Variants in COL12A1 observed in about 807,000 individuals in gnomAD.
COL12A1 encodes the protein collagen type XII alpha 1 chain.
A neutral mutation model predicts 349.7 loss-of-function variants in COL12A1; 114 were observed. The ratio of observed to expected loss-of-function variants is 0.33; its 90% CI spans 0.28 to 0.38. The LOEUF (loss-of-function observed/expected upper bound fraction) is 0.38. Among genes scored for constraint, COL12A1 ranks in the 10% least tolerant of loss-of-function variants. COL12A1 has a pLI of 1.00. For synonymous variants in COL12A1, 1,369 were observed against 1,329.0 expected (o/e 1.03, Z -0.66); for missense variants, 3,284 against 3,756.9 (o/e 0.87, Z 3.29).
At position 75,128,312 on chromosome 6, in the gene COL12A1, T is replaced by C; in HGVS notation, c.6324A>G (p.Thr2108=). ...AACACTTACCAGTTCTTCCATTTCC[T>C]GTTAGATGGCCACCATCTCCATCTT... The part of the protein sequence containing the change: ...VYEDGDGGHL[T]GNGRTVGLLP... Residue 2108 remains threonine (T), a synonymous_variant, in exon 38 of 66, where the codon ACA becomes ACG. Transcript: ENST00000322507. 6.2e-7 allele frequency: 1 copy of C among 1,602,544 alleles called. No homozygotes were observed. Among genetic ancestry groups the C allele is most frequent in the Non-Finnish European group, 8.5e-7 (1 of 1,175,638 alleles).
Position 75,117,465 on chromosome 6 carries a change from T to A in COL12A1, c.7436A>T (p.His2479Leu), listed in dbSNP as rs1769139596. The A allele has an allele frequency of 6.2e-7, 1 of 1,613,656 alleles. No individual in the cohort carries two copies. The highest frequency in any genetic ancestry group is 8.5e-7 in the Non-Finnish European group (1 of 1,179,730). Residue 2479 changes from histidine to leucine, a missense_variant, in exon 47 of 66, where the codon CAC becomes CTC. This residue lies in a region of COL12A1 where 683 missense variants were observed against 932.1 expected (regional missense o/e 0.73). Transcript: ENST00000322507. ...ANIASKPSER[H>L]VFIVDDFESF... ...TTCAAAGTCGTCCACAATGAACACG[T>A]GCCGTTCACTTGGTTTGCTGGCAAT...
chr6:75,106,692 C>T (rs1768561417), intron 52 of COL12A1, among the ~76,000 whole-genome samples, 196 bp from the exon 53 acceptor site: 1 of 151,908 alleles, frequency 6.6e-6, no homozygotes, highest in Non-Finnish European at 1.5e-5. Context: ...AAAAGTGAAA[C>T]ATGTATGTGA....
chr6:75,095,086 G>A (rs1431764592), intron 60 of COL12A1, 22 bp downstream of exon 60: 1 of 1,610,178 alleles, frequency 6.2e-7, no homozygotes, highest in Non-Finnish European at 8.5e-7. Flanking sequence ...ACTGTCAGTA[G>A]ACATGCAAGC....
chr6:75,182,023 G>A (rs1382775532), intron 10 of COL12A1, among the ~76,000 whole-genome samples: 1 of 151,268 alleles, frequency 6.6e-6, no homozygotes, highest in Non-Finnish European at 1.5e-5. Context: ...TTGAACTGGG[G>A]AGGCAGATAT....
chr6:75,193,908 A>C (rs1348566840), intron 3 of COL12A1, among the ~76,000 whole-genome samples: 1 of 152,088 alleles, frequency 6.6e-6, no homozygotes, highest in East Asian at 1.9e-4. Context: ...ACATGAACTC[A>C]TCCTTTTTTA....
chr6:75,175,058 C>G lies in COL12A1; in HGVS notation c.2690G>C (p.Gly897Ala). The G allele has an allele frequency of 1.2e-6, 2 of 1,614,030 alleles. No homozygotes were observed. The highest frequency in any genetic ancestry group is 1.1e-5 in the South Asian group (1 of 91,040). ...YASGAGDALF[G>A]EGTTLEERGS... ...ATTACCTTCAAGTGTTGTTCCTTCACCAAAGAGGGCGTCTCCAGCCCCAGA... is the reference window on the plus strand; with the variant it reads ...ATTACCTTCAAGTGTTGTTCCTTCAGCAAAGAGGGCGTCTCCAGCCCCAGA... Residue 897 changes from glycine (G) to alanine (A), a missense_variant, in exon 13 of 66, where the codon GGT becomes GCT. Transcript: ENST00000322507.
At chr6:75,110,692 C>T (rs1768795423) in intron 51 of COL12A1, among the ~76,000 whole-genome samples, 2 of 152,000 alleles carry the variant, frequency 1.3e-5, no homozygotes, top group Non-Finnish European at 2.9e-5. Flanking sequence ...AAGAGAATCC[C>T]CAGGAATGGA....
intron 55 of COL12A1, 146 bp from the exon 56 acceptor site, chr6:75,102,838 T>C (rs1276244065): frequency 2.3e-6 from 1 of 439,140 alleles, no homozygotes; most frequent in Non-Finnish European, 4.0e-6. Flanking sequence ...ATGAATATAT[T>C]CATTAATGTA....
intron 13 of COL12A1, among the ~76,000 whole-genome samples, chr6:75,171,601 G>A (rs1028200925): frequency 6.6e-6 from 1 of 152,288 alleles, no homozygotes; most frequent in East Asian, 1.9e-4. Flanking sequence ...CTGGATAAAG[G>A]AAACATTCCT....
intron 40 of COL12A1, 92 bp from the exon 41 acceptor site, chr6:75,124,463 G>T (rs1434052545): frequency 6.4e-6 from 6 of 938,228 alleles, no homozygotes; most frequent in African/African-American, 5.1e-5. Flanking sequence ...TTTCACTGTG[G>T]CTAAAAAAAA....
chr6:75,159,693 C>T (rs1171855016), intron 14 of COL12A1, among the ~76,000 whole-genome samples: 1 of 151,554 alleles, frequency 6.6e-6, no homozygotes, highest in Non-Finnish European at 1.5e-5. Flanking sequence ...TGGAACAAGA[C>T]ATTCTCTCTC....
intron 27 of COL12A1, among the ~76,000 whole-genome samples, chr6:75,141,659 C>T (rs928166192): frequency 6.6e-5 from 10 of 152,190 alleles, no homozygotes; most frequent in African/African-American, 1.4e-4. Flanking sequence ...TAACACTTCA[C>T]GTATAGTAAA....
chr6:75,197,777 A>C (rs371896926), intron 2 of COL12A1, among the ~76,000 whole-genome samples: 26 of 152,308 alleles, frequency 1.7e-4, no homozygotes, highest in African/African-American at 6.0e-4. Flanking sequence ...AGAGACTAAA[A>C]TTTTAAGTAT....
rs1437339736 is a variant in COL12A1, at chr6:75,117,504, T to C, written c.7397A>G (p.Asn2466Ser). ...FVVGVADVDYNELANIASKPS... is the reference protein window; with the variant it reads ...FVVGVADVDYSELANIASKPS... ...TTTGCTGGCAATGTTGGCAAGCTCA[T>C]TGTAGTCGACATCAGCCACACCAAC... The change falls in exon 47 of 66, where the codon AAT becomes AGT. Residue 2466 changes from asparagine to serine, a missense_variant. Coordinates refer to ENST00000322507, the MANE Select transcript of COL12A1 (RefSeq NM_004370.6). 4 of 1,613,536 alleles carry C rather than the reference T, an allele frequency of 2.5e-6. No homozygotes were observed. The South Asian group carries it at 3.3e-5, about 13-fold the overall frequency.
rs1183950908 is a variant in COL12A1 at position 75,148,497 on chromosome 6, C to T, written c.4148G>A (p.Gly1383Asp). 30 of 1,611,912 alleles carry T rather than the reference C, an allele frequency of 1.9e-5. No individual in the cohort carries two copies. Among genetic ancestry groups the T allele is most frequent in the Non-Finnish European group, 2.5e-5 (30 of 1,178,888 alleles). ...INLCNSVKGP[G>D]DLEAPSNLVI... ...TAAGTTAGAAGGTGCTTCCAAATCA[C>T]CTACACATGGAAATAAAGGGTATAC... Residue 1383 changes from glycine to aspartate, a missense_variant and splice_region_variant, in exon 22 of 66, where the codon GGT (glycine) becomes GAT (aspartate). This residue lies in a region of COL12A1 where 2,601 missense variants were observed against 2,824.8 expected (regional missense o/e 0.92). Coordinates refer to ENST00000322507, the MANE Select transcript of COL12A1 (RefSeq NM_004370.6).
Position 75,115,893 on chromosome 6 carries a change from T to G in COL12A1, c.7588A>C (p.Thr2530Pro). 1 of 1,613,506 alleles carries G rather than the reference T, an allele frequency of 6.2e-7. No individual in the cohort carries two copies. The change falls in exon 49 of 66, where the codon ACA becomes CCA. Residue 2530 changes from threonine to proline, a missense_variant. This residue lies in a region of COL12A1 where 683 missense variants were observed against 932.1 expected (regional missense o/e 0.73). Transcript: ENST00000322507. Reference sequence around the variant, plus strand: ...TGTACAGAAGCAAAATTCTTTTCTGTCAGGTTGTATGCTTCAAGCATTTTA... The same window carrying G: ...TGTACAGAAGCAAAATTCTTTTCTGGCAGGTTGTATGCTTCAAGCATTTTA... The part of the protein sequence containing the change: ...GFKMLEAYNL[T>P]EKNFASVQGV...
In COL12A1 at chr6:75,130,920, T is replaced by A; in HGVS notation, c.5999A>T (p.Tyr2000Phe). The change falls in exon 36 of 66, where the codon TAT becomes TTT. Residue 2000 changes from tyrosine (Y) to phenylalanine (F), a missense_variant. Tyr to Phe is a conservative substitution (Grantham distance 22). Coordinates refer to ENST00000322507, the MANE Select transcript of COL12A1 (RefSeq NM_004370.6). ...GTACAGAGCCACAAGGTTCACGGAATAGAGTGTGTCCGGAATCAGCCGCTC... is the reference window on the plus strand; with the variant it reads ...GTACAGAGCCACAAGGTTCACGGAAAAGAGTGTGTCCGGAATCAGCCGCTC... Reference protein sequence around the residue: ...HLERLIPDTLYSVNLVALYSD... With the variant: ...HLERLIPDTLFSVNLVALYSD... 1.2e-6 allele frequency: 2 copies of A among 1,614,130 alleles called. No homozygotes were observed. Among genetic ancestry groups the A allele is most frequent in the Non-Finnish European group, 1.7e-6 (2 of 1,180,014 alleles).
chr6:75,149,454 C>A (rs1767368535), intron 21 of COL12A1, among the ~76,000 whole-genome samples: 1 of 152,024 alleles, frequency 6.6e-6, no homozygotes, highest in South Asian at 2.1e-4. Flanking sequence ...TGCAAAGAAA[C>A]ACATGTTTTT....
intron 11 of COL12A1, among the ~76,000 whole-genome samples, chr6:75,180,493 A>G (rs1200063694): frequency 1.3e-5 from 2 of 152,128 alleles, no homozygotes; most frequent in African/African-American, 4.8e-5. Context: ...AATGGTTACA[A>G]TGGTAAATAT....
Sources: gnomAD v4.1 joint callset for allele counts (sites outside exome capture counted in the v4.1 genomes callset) on GRCh38, gnomAD v4.1.1 for gene constraint, gnomAD v4.1.1 regional missense constraint, MANE v1.5 for transcripts, NCBI Gene and HGNC (gene_info 2026-07-23, HGNC 2026-07-21) for gene names.